MCF2: variants seen among roughly 807,000 people sequenced by gnomAD.
MCF2 encodes proto-oncogene DBL.
In MCF2, 44 loss-of-function variants were observed where a neutral mutation model predicts 82.5. That is an observed-to-expected ratio of 0.53 (90% CI 0.42 to 0.69). MCF2 has a LOEUF of 0.69. Among genes scored for constraint, MCF2 ranks in the 30% least tolerant of loss-of-function variants. The pLI, the probability that MCF2 is intolerant of heterozygous loss-of-function variation, is 0.00. For missense variants in MCF2, 623 were observed against 663.1 expected, an observed-to-expected ratio of 0.94 and a Z score of 0.66; for synonymous variants, 217 against 224.9, an observed-to-expected ratio of 0.96 and a Z score of 0.32.
rs184894921 is a variant in MCF2 at position 139,651,800 on chromosome X, G to A, written c.-44-12C>T. On this transcript the variant is annotated splice_polypyrimidine_tract_variant and intron_variant, in intron 1 of 27. Coordinates refer to the MCF2 transcript ENST00000414978. Reference sequence around the variant, plus strand: ...GAGCAGATCGGTTTCTATGACAAACGAAAATAGAAGAAATGACATACATGT... The same window carrying A: ...GAGCAGATCGGTTTCTATGACAAACAAAAATAGAAGAAATGACATACATGT... The A allele has an allele frequency of 1.2e-4, 121 of 1,024,167 alleles. No individual in the cohort carries two copies. The highest frequency in any genetic ancestry group is 1.3e-4 in the Non-Finnish European group (100 of 747,058). The allele number at this position is 1,024,167 out of a possible 1,213,427, so 84.4% of individuals were successfully genotyped here.
At chrX:139,672,964 A>AG (rs1934746768) in intron 1 of MCF2, among the ~76,000 whole-genome samples, 1 of 111,492 alleles carries the variant, frequency 9.0e-6, no homozygotes, top group Non-Finnish European at 1.9e-5. Context: ...TTTTGTTCGT[A>AG]GGCTACTAAT....
chrX:139,601,037 C>A (rs1387969704), intron 16 of MCF2, among the ~76,000 whole-genome samples: 2 of 110,779 alleles, frequency 1.8e-5, no homozygotes, highest in Non-Finnish European at 3.8e-5. Flanking sequence ...AGGATGAGGG[C>A]TCTTCAAAAT....
chrX:139,640,312 G>A (rs1350068591), intron 1 of MCF2, among the ~76,000 whole-genome samples: 1 of 111,637 alleles, frequency 9.0e-6, no homozygotes, highest in East Asian at 2.8e-4. Context: ...CATCTCTGCA[G>A]AATATGTTGG....
chrX:139,588,984 G>A (rs1315240191), intron 20 of MCF2, among the ~76,000 whole-genome samples: 1 of 110,578 alleles, frequency 9.0e-6, no homozygotes. Context: ...AATAATGCTT[G>A]GATGAAACTG....
chrX:139,631,943 C>T (rs1932946803), intron 2 of MCF2, among the ~76,000 whole-genome samples: 1 of 111,185 alleles, frequency 9.0e-6, no homozygotes, highest in Admixed American at 9.6e-5. Flanking sequence ...TTTAAAAAGT[C>T]ATGGTACTCT....
At chrX:139,633,908 G>T (rs1028205472) in intron 1 of MCF2, among the ~76,000 whole-genome samples, 3 of 111,399 alleles carry the variant, frequency 2.7e-5, no homozygotes, top group Admixed American at 1.9e-4. Flanking sequence ...ATAACTACTT[G>T]ATGTACTTGC....
chrX:139,582,842 T>C (rs1438401706), intron 24 of MCF2, among the ~76,000 whole-genome samples: 1 of 112,007 alleles, frequency 8.9e-6, no homozygotes, highest in African/African-American at 3.2e-5. Context: ...CAGCAAACGG[T>C]TAAACACAAA....
chrX:139,643,137 G>A (rs1933665564), upstream of MCF2, among the ~76,000 whole-genome samples: 2 of 111,633 alleles, frequency 1.8e-5, no homozygotes, highest in African/African-American at 6.5e-5. Flanking sequence ...AACTTTCTAA[G>A]ACGGATACAA....
chrX:139,651,161 TC>T (rs1933995678), intron 2 of MCF2, among the ~76,000 whole-genome samples: 1 of 110,843 alleles, frequency 9.0e-6, no homozygotes, highest in Admixed American at 9.6e-5. Flanking sequence ...TGAACTGTAC[TC>T]TTCAAAATGG....
intron 1 of MCF2, among the ~76,000 whole-genome samples, chrX:139,637,840 G>T (rs935662510): frequency 9.0e-6 from 1 of 111,206 alleles, no homozygotes; most frequent in African/African-American, 3.3e-5. Flanking sequence ...GAGATTATCC[G>T]GGATTATCAT....
Position 139,651,484 on chromosome X carries a change from A to G in MCF2, c.25+236T>C, listed in dbSNP as rs184389650. On this transcript the variant is annotated intron_variant, in intron 2 of 27. Coordinates refer to the MCF2 transcript ENST00000414978. ...TGAAAGTCAAATGTATAAGAGTGGT[A>G]AGGTCGGTTTTACTCATATATCTAA... is the stretch of plus-strand genomic sequence containing the variant. 5.4e-5 allele frequency among the ~76,000 whole-genome samples: 6 copies of G among 111,662 alleles called. No homozygotes were observed. In the East Asian group the frequency reaches 1.1e-3, roughly 21 times the overall value.
intron 1 of MCF2, among the ~76,000 whole-genome samples, chrX:139,706,302 T>C (rs1046389782): frequency 1.8e-5 from 2 of 112,544 alleles, no homozygotes; most frequent in Middle Eastern, 4.6e-3. Flanking sequence ...AGCAAAGACA[T>C]GGAGTCAACC....
intron 9 of MCF2, 50 bp downstream of exon 12, chrX:139,616,232 G>T: frequency 1.3e-6 from 1 of 793,441 alleles, no homozygotes; most frequent in Non-Finnish European, 1.7e-6. Context: ...CCACAGTACT[G>T]CAATTATAAT....
At chrX:139,629,185 T>C (rs1211139505) in intron 4 of MCF2, among the ~76,000 whole-genome samples, 2 of 112,317 alleles carry the variant, frequency 1.8e-5, no homozygotes, top group Non-Finnish European at 3.8e-5. Flanking sequence ...CTACAGGGTA[T>C]AGCCTATTGC....
chrX:139,626,359 A>G, intron 5 of MCF2, 52 bp from the exon 9 acceptor site: 1 of 771,196 alleles, frequency 1.3e-6, no homozygotes, highest in Non-Finnish European at 2.0e-6. Context: ...CTGTTTTGTA[A>G]GTATGTAGAT....
chrX:139,647,617 G>C (rs1933847629), upstream of MCF2, among the ~76,000 whole-genome samples: 1 of 110,682 alleles, frequency 9.0e-6, no homozygotes, highest in Non-Finnish European at 1.9e-5. Context: ...ATGGATCCCA[G>C]TGCTCATAGG....
At chrX:139,605,573 A>G (rs962306546) in intron 13 of MCF2, 140 bp downstream of exon 17, 2 of 460,333 alleles carry the variant, frequency 4.3e-6, no homozygotes, top group African/African-American at 4.9e-5. Context: ...TGCATCAAAC[A>G]ATAAAAGAAA....
At position 139,592,735 on chromosome X, in the gene MCF2, C is replaced by G. The variant is rs147857870; in HGVS notation, c.2278-2808G>C. On this transcript the variant is annotated intron_variant, in intron 19 of 24. Transcript: ENST00000370576. ...AGCAACTGGCCCTTTGTGACGAAAC[C>G]AAGAGTTTTAAAGAAGCTGCTGTGG... 2.7e-5 allele frequency among the ~76,000 whole-genome samples: 3 copies of G among 111,462 alleles called. No homozygotes were observed. In the East Asian group the frequency reaches 8.5e-4, roughly 32 times the overall value.
intron 1 of MCF2, among the ~76,000 whole-genome samples, chrX:139,680,987 A>G (rs1430854888): frequency 8.9e-6 from 1 of 112,465 alleles, no homozygotes; most frequent in Non-Finnish European, 1.9e-5. Flanking sequence ...AAATAAAAAC[A>G]GGGCCACTGC....
Sources: allele counts gnomAD v4.1 joint callset (sites outside exome capture counted in the v4.1 genomes callset), GRCh38; gene constraint gnomAD v4.1.1; transcripts MANE v1.5; gene names NCBI Gene and HGNC (gene_info 2026-07-23, HGNC 2026-07-21).